ITCH: variants seen among roughly 807,000 people sequenced by gnomAD.
ITCH encodes the protein E3 ubiquitin-protein ligase Itchy homolog.
Under a neutral mutation model 126.8 loss-of-function variants are expected in ITCH, and 28 were observed. The ratio of observed to expected loss-of-function variants is 0.22; its 90% CI spans 0.16 to 0.30. The LOEUF (loss-of-function observed/expected upper bound fraction) is 0.30. ITCH is among the 10% of genes least tolerant of loss of function. The pLI is 1.00. For synonymous variants in ITCH, 342 were observed against 340.0 expected, an observed-to-expected ratio of 1.01 and a Z score of -0.06; for missense variants, 631 against 1,032.4, an observed-to-expected ratio of 0.61 and a Z score of 5.33.
intron 3 of ITCH, among the ~76,000 whole-genome samples, chr20:34,394,809 G>A (rs2038615220): frequency 6.6e-6 from 1 of 152,126 alleles, no homozygotes; most frequent in Non-Finnish European, 1.5e-5. Flanking sequence ...ATTTTAGAGG[G>A]ATGGTAAATG....
At chr20:34,397,379 C>T (rs2038715686) in intron 3 of ITCH, among the ~76,000 whole-genome samples, 1 of 152,176 alleles carries the variant, frequency 6.6e-6, no homozygotes, top group Admixed American at 6.5e-5. Context: ...GGATTTTCCT[C>T]AGATGTGTAT....
intron 12 of ITCH, among the ~76,000 whole-genome samples, chr20:34,455,219 T>G (rs565679661): frequency 2.6e-4 from 39 of 152,342 alleles, no homozygotes; most frequent in Admixed American, 4.6e-4. Context: ...AAATGCTGAT[T>G]TTTAGAAACT....
rs556261865 is a variant in ITCH at position 34,507,944 on chromosome 20, C to T, written c.*150C>T. Reference sequence around the variant, plus strand: ...TAATGTTCTCATTTAGATTTATCTCCCAGTGATTTCTACTCAGCGTTTCCA... The same window carrying T: ...TAATGTTCTCATTTAGATTTATCTCTCAGTGATTTCTACTCAGCGTTTCCA... On this transcript the variant is annotated 3_prime_UTR_variant, in exon 25 of 25. Transcript: ENST00000374864. The T allele has an allele frequency of 2.6e-5, 17 of 654,830 alleles. No individual in the cohort carries two copies. The East Asian group carries it at 4.6e-4, about 18-fold the overall frequency. The allele number at this position is 654,830 out of a possible 1,614,324, so 40.6% of individuals were successfully genotyped here.
chr20:34,451,193 G>T (rs557186052), intron 12 of ITCH, among the ~76,000 whole-genome samples: 3 of 152,036 alleles, frequency 2.0e-5, no homozygotes, highest in Non-Finnish European at 2.9e-5. Flanking sequence ...AGGAGGCTGA[G>T]GCAGGAGAGT....
chr20:34,485,992 T>C (rs1989078169), intron 20 of ITCH, among the ~76,000 whole-genome samples: 1 of 152,146 alleles, frequency 6.6e-6, no homozygotes, highest in Non-Finnish European at 1.5e-5. Context: ...ACTAAGTATT[T>C]CTTTAGCTAT....
rs1414362075 is a variant in ITCH at position 34,445,299 on chromosome 20, G to A, written c.978G>A (p.Arg326=). ...TTTTCTGATTTAGCTGGGAACGGCG[G>A]GTTGACAACATGGGACGTATTTATT... ...PEPLPPGWER[R]VDNMGRIYYV... Residue 326 remains arginine, a synonymous_variant, in exon 11 of 25, where the codon CGG becomes CGA. Coordinates refer to ENST00000374864, the MANE Select transcript of ITCH (RefSeq NM_031483.7). The A allele has an allele frequency of 6.2e-7, 1 of 1,611,026 alleles. No homozygotes were observed. Among genetic ancestry groups the A allele is most frequent in the Non-Finnish European group, 8.5e-7 (1 of 1,179,018 alleles).
At position 34,504,215 on chromosome 20, in the gene ITCH, C is replaced by T. The variant is rs1367080598; in HGVS notation, c.2417-116C>T. The T allele has an allele frequency of 6.4e-6, 5 of 777,602 alleles. No individual in the cohort carries two copies. The East Asian group carries it at 1.0e-4, about 16-fold the overall frequency. The allele number at this position is 777,602 out of a possible 1,614,324, so 48.2% of individuals were successfully genotyped here. On this transcript the variant is annotated intron_variant, in intron 23 of 24. Transcript: ENST00000374864. ...TGAATTAGTAAGATGATGTGTGGGG[C>T]CTGAGGATTTATGGTTCTAACAAGT...
At chr20:34,470,421 AATATAT>A (rs11474698) in intron 15 of ITCH, among the ~76,000 whole-genome samples, 3 of 146,888 alleles carry the variant, frequency 2.0e-5, no homozygotes, top group African/African-American at 7.5e-5. Flanking sequence ...TACCTCTGTA[AATATAT>A]ATATATATAT....
At chr20:34,449,369 GT>G (rs1242124312) in intron 11 of ITCH, 41 bp from the exon 12 acceptor site, 1 of 1,207,808 alleles carries the variant, frequency 8.3e-7, no homozygotes, top group Admixed American at 1.7e-5. Flanking sequence ...CAGATAAGTT[GT>G]TAAGTTGTTA....
intron 1 of ITCH, among the ~76,000 whole-genome samples, chr20:34,364,875 A>G (rs2037355175): frequency 8.1e-6 from 1 of 123,538 alleles, no homozygotes. Context: ...TGGGCGACAG[A>G]GCGAGACTCC....
chr20:34,468,278 C>G (rs1296426600), intron 14 of ITCH, among the ~76,000 whole-genome samples: 1 of 151,794 alleles, frequency 6.6e-6, no homozygotes, highest in Non-Finnish European at 1.5e-5. Context: ...TCATGATCCA[C>G]CTGCCTTGGC....
At chr20:34,391,232 AAT>A (rs1568881331) in intron 2 of ITCH, among the ~76,000 whole-genome samples, 1 of 152,242 alleles carries the variant, frequency 6.6e-6, no homozygotes, top group African/African-American at 2.4e-5. Flanking sequence ...AACTTCAAAC[AAT>A]ACATACAAAA....
chr20:34,472,486 A>T (rs1046557746), intron 16 of ITCH, among the ~76,000 whole-genome samples: 1 of 152,206 alleles, frequency 6.6e-6, no homozygotes, highest in Non-Finnish European at 1.5e-5. Context: ...GTTATGTAGA[A>T]GATTAAAATA....
chr20:34,405,397 T>G (rs1174616844), intron 3 of ITCH, among the ~76,000 whole-genome samples: 1 of 151,900 alleles, frequency 6.6e-6, no homozygotes, highest in Non-Finnish European at 1.5e-5. Flanking sequence ...CCCAGCTGCT[T>G]GGGAGGCTGA....
At chr20:34,428,699 T>G (rs1256582354) in intron 7 of ITCH, among the ~76,000 whole-genome samples, 5 of 152,184 alleles carry the variant, frequency 3.3e-5, no homozygotes, top group African/African-American at 1.2e-4. Context: ...ATTACAGACA[T>G]GAGCCACCAC....
chr20:34,399,237 A>G (rs1195316349), intron 3 of ITCH, among the ~76,000 whole-genome samples: 1 of 152,058 alleles, frequency 6.6e-6, no homozygotes, highest in African/African-American at 2.4e-5. Context: ...TAGTAAAAAT[A>G]CAAAATTAGC....
In ITCH at chr20:34,492,612, T is replaced by A. The variant is rs1210728431; in HGVS notation, c.2416+15T>A. 6 of 1,512,594 alleles carry A rather than the reference T, an allele frequency of 4.0e-6. No individual in the cohort carries two copies. Among genetic ancestry groups the A allele is most frequent in the Non-Finnish European group, 5.5e-6 (6 of 1,087,258 alleles). 93.7% of individuals were successfully genotyped at this position (1,512,594 alleles called of 1,614,324 possible). On this transcript the variant is annotated intron_variant, in intron 23 of 24. Transcript: ENST00000374864. The stretch of plus-strand genomic sequence containing the variant: ...TGATCTCATGGGTATGTATACAGGA[T>A]CACTTTTCCTATACAGAAAATTGTT...
intron 23 of ITCH, among the ~76,000 whole-genome samples, chr20:34,499,798 C>T (rs1443216440): frequency 2.6e-5 from 4 of 151,902 alleles, no homozygotes; most frequent in African/African-American, 7.3e-5. Context: ...TAAAATCTTT[C>T]CACTTTTTTG....
intron 14 of ITCH, among the ~76,000 whole-genome samples, chr20:34,463,019 G>C (rs375324020): frequency 6.6e-6 from 1 of 152,056 alleles, no homozygotes; most frequent in African/African-American, 2.4e-5. Flanking sequence ...CATTGTTTCT[G>C]TTTTTTGGGG....
Sources: gnomAD v4.1 joint callset for allele counts (sites outside exome capture counted in the v4.1 genomes callset) on GRCh38, gnomAD v4.1.1 for gene constraint, MANE v1.5 for transcripts, NCBI Gene and HGNC (gene_info 2026-07-23, HGNC 2026-07-21) for gene names.